CCDC85A: variants seen among roughly 807,000 people sequenced by gnomAD.
CCDC85A encodes coiled-coil domain containing 85A, also known as coiled-coil domain-containing protein 85A.
In CCDC85A, 38 loss-of-function variants were observed where a neutral mutation model predicts 50.2. That is an observed-to-expected ratio of 0.76 (90% CI 0.58 to 0.99). The LOEUF (loss-of-function observed/expected upper bound fraction) is 0.99. Ranked by LOEUF, CCDC85A falls within the 50% of genes least tolerant of loss-of-function variation. The pLI is 0.00. For synonymous variants in CCDC85A, 366 were observed against 301.4 expected (o/e 1.21, Z -2.22); for missense variants, 820 against 742.0 (o/e 1.11, Z -1.22).
intron 2 of CCDC85A, among the ~76,000 whole-genome samples, chr2:56,196,884 CAAAA>C (rs11301097): frequency 1.5e-4 from 20 of 131,138 alleles, no homozygotes; most frequent in East Asian, 6.7e-4. Context: ...TCTTCGTCTT[CAAAA>C]AAAAAAAAAA....
intron 4 of CCDC85A, among the ~76,000 whole-genome samples, chr2:56,374,155 A>G (rs1415404488): frequency 6.6e-6 from 1 of 152,172 alleles, no homozygotes; most frequent in East Asian, 1.9e-4. Flanking sequence ...TTTTAGTTTT[A>G]GTAGCAATGG....
chr2:56,375,704 A>T, intron 4 of CCDC85A, 112 bp from the exon 5 acceptor site: 1 of 1,160,342 alleles, frequency 8.6e-7, no homozygotes, highest in Non-Finnish European at 1.2e-6. Flanking sequence ...GGTTAGGAAA[A>T]AGTAACAAAA....
At chr2:56,353,683 C>T (rs1180284745) in intron 3 of CCDC85A, among the ~76,000 whole-genome samples, 1 of 152,134 alleles carries the variant, frequency 6.6e-6, no homozygotes, top group Non-Finnish European at 1.5e-5. Flanking sequence ...AGGTCATCGC[C>T]CAGTGAATGC....
chr2:56,357,104 C>T (rs1675274603), intron 3 of CCDC85A, among the ~76,000 whole-genome samples: 1 of 151,826 alleles, frequency 6.6e-6, no homozygotes, highest in Admixed American at 6.6e-5. Context: ...AGATTGAGCC[C>T]TAAATAGCCA....
chr2:56,289,752 G>A lies in CCDC85A; in HGVS notation c.1241-53127G>A, dbSNP rs149282454. 1.8e-3 allele frequency among the ~76,000 whole-genome samples: 275 copies of A among 152,190 alleles called. 1 individual carries two copies. The highest frequency in any genetic ancestry group is 2.6e-3 in the Non-Finnish European group (176 of 68,020). ...AAACCTCATCTCTGTTGTCCGAATT[G>A]TCATGAGTTTTCAATTAATGAAGCT... is the stretch of plus-strand genomic sequence containing the variant. On this transcript the variant is annotated intron_variant, in intron 2 of 5. Coordinates refer to ENST00000407595, the MANE Select transcript of CCDC85A (RefSeq NM_001080433.2).
chr2:56,374,673 A>G (rs542257631), intron 4 of CCDC85A, among the ~76,000 whole-genome samples: 49 of 152,252 alleles, frequency 3.2e-4, no homozygotes, highest in African/African-American at 1.1e-3. Flanking sequence ...ACTAGGCATA[A>G]TGGCACATGC....
Position 56,193,308 on chromosome 2 carries a change from C to G in CCDC85A, c.1108C>G (p.Pro370Ala), listed in dbSNP as rs1471605829. 1.1e-5 allele frequency: 17 copies of G among 1,613,490 alleles called. No homozygotes were observed. The highest frequency in any genetic ancestry group is 1.4e-5 in the Non-Finnish European group (16 of 1,179,714). The change falls in exon 2 of 6, where the codon CCT becomes GCT. Residue 370 changes from proline (P) to alanine (A), a missense_variant. Pro to Ala is a conservative substitution (Grantham distance 27, BLOSUM62 -1). Transcript: ENST00000407595. ...CCTCAAACAACATTATGGAGGGAGC[C>G]CTGATCACAAACACGGAGGAGGCAG... Reference protein sequence around the residue: ...EHLKQHYGGSPDHKHGGGSGG... With the variant: ...EHLKQHYGGSADHKHGGGSGG...
At chr2:56,256,424 G>A (rs551160241) in intron 2 of CCDC85A, among the ~76,000 whole-genome samples, 38 of 152,202 alleles carry the variant, frequency 2.5e-4, no homozygotes, top group African/African-American at 8.4e-4. Flanking sequence ...TGTGTCCTTG[G>A]TGGCCTATTG....
chr2:56,283,951 A>G (rs1393858321), intron 2 of CCDC85A, among the ~76,000 whole-genome samples: 1 of 152,060 alleles, frequency 6.6e-6, no homozygotes, highest in African/African-American at 2.4e-5. Context: ...ATAGCTTCTT[A>G]AAAAGGAAAC....
In CCDC85A at chr2:56,302,154, G is replaced by A. The variant is rs547957400; in HGVS notation, c.1241-40725G>A. ...GCCTGTAATCCCAGCTAATCGGGAG[G>A]CTGAGGCAGGAGAATTACTTGAACC... On this transcript the variant is annotated intron_variant, in intron 2 of 5. Coordinates refer to ENST00000407595, the MANE Select transcript of CCDC85A (RefSeq NM_001080433.2). Among the ~76,000 whole-genome samples, 350 of 152,244 alleles carry A rather than the reference G, an allele frequency of 2.3e-3. 1 individual carries two copies. Among genetic ancestry groups the A allele is most frequent in the Non-Finnish European group, 1.3e-3 (87 of 68,018 alleles).
intron 2 of CCDC85A, among the ~76,000 whole-genome samples, chr2:56,326,095 GTC>G (rs1673457964): frequency 1.3e-5 from 2 of 152,040 alleles, no homozygotes; most frequent in African/African-American, 4.8e-5. Flanking sequence ...CCTTTACTTT[GTC>G]TCTCTGCAGC....
chr2:56,237,758 AAGAG>A (rs1669084155), intron 2 of CCDC85A, among the ~76,000 whole-genome samples: 1 of 145,898 alleles, frequency 6.9e-6, no homozygotes, highest in Non-Finnish European at 1.5e-5. Context: ...TTTTTTTTTT[AAGAG>A]AGAGAGAACA....
intron 2 of CCDC85A, among the ~76,000 whole-genome samples, chr2:56,227,459 A>G (rs924559107): frequency 2.0e-5 from 3 of 152,286 alleles, no homozygotes; most frequent in East Asian, 1.9e-4. Flanking sequence ...GGACCATGGC[A>G]GCAATATCTT....
chr2:56,248,282 G>A (rs571819228), intron 2 of CCDC85A, among the ~76,000 whole-genome samples: 6 of 152,244 alleles, frequency 3.9e-5, no homozygotes, highest in East Asian at 1.9e-4. Flanking sequence ...GCTCTGGAAC[G>A]GTCTCCCTTG....
At chr2:56,220,847 C>G (rs913964949) in intron 2 of CCDC85A, among the ~76,000 whole-genome samples, 2 of 151,934 alleles carry the variant, frequency 1.3e-5, no homozygotes, top group Admixed American at 1.3e-4. Context: ...AAGAATAGCA[C>G]GCAATAAAAT....
At chr2:56,210,754 G>A (rs1025971643) in intron 2 of CCDC85A, among the ~76,000 whole-genome samples, 3 of 152,012 alleles carry the variant, frequency 2.0e-5, no homozygotes, top group African/African-American at 7.2e-5. Flanking sequence ...GGCTCCTACA[G>A]TGTGGCTCGG....
intron 2 of CCDC85A, among the ~76,000 whole-genome samples, chr2:56,322,744 C>T (rs186306450): frequency 2.0e-5 from 3 of 152,116 alleles, no homozygotes; most frequent in African/African-American, 4.8e-5. Context: ...GGTGATTCCT[C>T]AAGGATCTAG....
At chr2:56,224,243 C>T (rs1299789160) in intron 2 of CCDC85A, among the ~76,000 whole-genome samples, 1 of 152,144 alleles carries the variant, frequency 6.6e-6, no homozygotes, top group Non-Finnish European at 1.5e-5. Context: ...ACTATCTTCA[C>T]TCATTTAATA....
At chr2:56,372,576 T>A in intron 4 of CCDC85A, 98 bp downstream of exon 4, 2 of 1,286,850 alleles carry the variant, frequency 1.6e-6, no homozygotes, top group Non-Finnish European at 2.0e-6. Flanking sequence ...GAAAACAAGT[T>A]CATACACATG....
Sources: allele counts gnomAD v4.1 joint callset (sites outside exome capture counted in the v4.1 genomes callset), GRCh38; gene constraint gnomAD v4.1.1; transcripts MANE v1.5; gene names NCBI Gene and HGNC (gene_info 2026-07-23, HGNC 2026-07-21).